The following CCDC146 variants were observed in gnomAD, a reference collection of about 807,000 sequenced individuals.
CCDC146 encodes coiled-coil domain containing 146.
CCDC146 carries 92 observed loss-of-function variants against 119.3 expected under a neutral mutation model. The observed-to-expected ratio is 0.77, with a 90% CI of 0.65 to 0.92. CCDC146 has a LOEUF of 0.92. Among genes scored for constraint, CCDC146 ranks in the 40% least tolerant of loss-of-function variants. CCDC146 has a pLI of 0.00. For synonymous variants in CCDC146, 372 were observed against 371.8 expected (o/e 1.00, Z -0.01); for missense variants, 1,000 against 1,103.0 (o/e 0.91, Z 1.32).
intron 1 of CCDC146, among the ~76,000 whole-genome samples, chr7:77,154,994 A>G (rs74602913): frequency 0.029 from 4,393 of 152,304 alleles, 96 homozygotes; most frequent in Middle Eastern, 0.048. Context: ...TCTACTTTAC[A>G]GACCTTCTGG....
At position 77,280,488 on chromosome 7, in the gene CCDC146, A is replaced by C; in HGVS notation, c.1754A>C (p.Gln585Pro). The change falls in exon 14 of 19, where the codon CAA becomes CCA. Residue 585 changes from glutamine to proline, a missense_variant. By Grantham distance (76) the Gln-to-Pro change is moderately conservative. Transcript: ENST00000285871. The part of the protein sequence containing the change: ...ANNVTIRESM[Q>P]NDVRKIVSKL... The stretch of plus-strand genomic sequence containing the variant: ...AATGTTACCATCAGAGAGAGCATGC[A>C]AAACGATGTGCGCAAAATTGTATCA... The C allele has an allele frequency of 6.2e-7, 1 of 1,614,228 alleles. No individual in the cohort carries two copies. Among genetic ancestry groups the C allele is most frequent in the Non-Finnish European group, 8.5e-7 (1 of 1,180,024 alleles).
At chr7:77,291,926 C>T (rs541602861) in intron 17 of CCDC146, among the ~76,000 whole-genome samples, 4 of 152,124 alleles carry the variant, frequency 2.6e-5, no homozygotes, top group Non-Finnish European at 5.9e-5. Flanking sequence ...CAAAGAGTAA[C>T]GTTAATTCTA....
intron 2 of CCDC146, among the ~76,000 whole-genome samples, chr7:77,224,181 A>G (rs993648875): frequency 6.6e-6 from 1 of 152,238 alleles, no homozygotes; most frequent in Non-Finnish European, 1.5e-5. Flanking sequence ...TCTGTAGGTC[A>G]GAAGTCCAAC....
At chr7:77,148,728 A>T (rs914449359) in intron 1 of CCDC146, among the ~76,000 whole-genome samples, 34 of 152,096 alleles carry the variant, frequency 2.2e-4, no homozygotes, top group African/African-American at 8.2e-4. Flanking sequence ...TCCCATTCAC[A>T]ATTGCTTCAA....
At chr7:77,128,114 G>C (rs1469445950) in intron 1 of CCDC146, among the ~76,000 whole-genome samples, 1 of 151,760 alleles carries the variant, frequency 6.6e-6, no homozygotes, top group Non-Finnish European at 1.5e-5. Context: ...AATTATTCTA[G>C]TCTGTTCTGT....
chr7:77,196,656 A>G lies in CCDC146; in HGVS notation c.156+28832A>G, dbSNP rs1290670049. ...TTAGCCACATAAAACTGATCATACAAGGCATATAGTTCGACACCATTAAAG... is the reference window on the plus strand; with the variant it reads ...TTAGCCACATAAAACTGATCATACAGGGCATATAGTTCGACACCATTAAAG... On this transcript the variant is annotated intron_variant, in intron 2 of 18. Transcript: ENST00000285871. The surrounding 1 kb of genome is among the most constrained non-coding windows in gnomAD (Gnocchi z 4.2). The G allele has an allele frequency of 6.2e-7, 1 of 1,614,038 alleles. No homozygotes were observed. The highest frequency in any genetic ancestry group is 1.3e-5 in the African/African-American group (1 of 74,946).
At chr7:77,244,869 A>G (rs1336086575) in intron 4 of CCDC146, among the ~76,000 whole-genome samples, 3 of 152,214 alleles carry the variant, frequency 2.0e-5, no homozygotes, top group Admixed American at 6.5e-5. Flanking sequence ...CTAATGAGAG[A>G]AAACTATTCA....
intron 1 of CCDC146, among the ~76,000 whole-genome samples, chr7:77,136,995 A>C (rs1790870336): frequency 6.6e-6 from 1 of 152,206 alleles, no homozygotes; most frequent in Non-Finnish European, 1.5e-5. Context: ...GCTAAAAAAG[A>C]AAAATCATGT....
intron 4 of CCDC146, among the ~76,000 whole-genome samples, chr7:77,254,056 C>G (rs1269341710): frequency 1.3e-5 from 2 of 152,096 alleles, no homozygotes; most frequent in Non-Finnish European, 2.9e-5. Context: ...GTGAAGTGAT[C>G]TTATTTACAT....
At chr7:77,216,747 G>T (rs1792308134) in intron 2 of CCDC146, among the ~76,000 whole-genome samples, 1 of 152,126 alleles carries the variant, frequency 6.6e-6, no homozygotes, top group Non-Finnish European at 1.5e-5. Context: ...GCTGGGAAAA[G>T]TTGTTCAGAA....
intron 1 of CCDC146, among the ~76,000 whole-genome samples, chr7:77,164,279 TTTTAG>T (rs1372334982): frequency 6.6e-6 from 1 of 152,180 alleles, no homozygotes; most frequent in African/African-American, 2.4e-5. Context: ...AGTGTACATA[TTTTAG>T]TTTATTCACA....
intron 1 of CCDC146, among the ~76,000 whole-genome samples, chr7:77,126,456 T>A (rs1790690667): frequency 6.6e-6 from 1 of 151,940 alleles, no homozygotes; most frequent in Non-Finnish European, 1.5e-5. Context: ...TATTAAGTGT[T>A]ACAAGAGCTC....
intron 9 of CCDC146, among the ~76,000 whole-genome samples, chr7:77,270,397 G>A (rs1584131204): frequency 6.6e-6 from 1 of 151,512 alleles, no homozygotes; most frequent in Non-Finnish European, 1.5e-5. Flanking sequence ...AATGTGAAAT[G>A]CTACACTATA....
intron 3 of CCDC146, among the ~76,000 whole-genome samples, chr7:77,238,579 G>A (rs573284190): frequency 6.6e-6 from 1 of 152,208 alleles, no homozygotes; most frequent in South Asian, 2.1e-4. Context: ...ACCACACCCA[G>A]CTAATTTTTT....
intron 5 of CCDC146, chr7:77,255,431 G>A (rs1793160023): frequency 6.6e-6 from 1 of 152,204 alleles, no homozygotes; most frequent in Non-Finnish European, 1.5e-5. Flanking sequence ...TAATCCAAAA[G>A]TGTGTTGGTG....
At chr7:77,250,213 G>C (rs1793032256) in intron 4 of CCDC146, among the ~76,000 whole-genome samples, 1 of 152,148 alleles carries the variant, frequency 6.6e-6, no homozygotes, top group Non-Finnish European at 1.5e-5. Context: ...TTTGAACAGT[G>C]TTATCGAGTA....
chr7:77,158,566 C>A (rs1272531816), intron 1 of CCDC146, among the ~76,000 whole-genome samples: 3 of 152,090 alleles, frequency 2.0e-5, no homozygotes, highest in Non-Finnish European at 1.5e-5. Flanking sequence ...GTTGCCCAGG[C>A]TGGAGTGCAG....
At chr7:77,193,545 C>T (rs551889952) in intron 2 of CCDC146, 1 of 152,234 alleles carries the variant, frequency 6.6e-6, no homozygotes, top group East Asian at 1.9e-4. Context: ...ACCTTTAAAA[C>T]CTTTTCTTGG....
intron 2 of CCDC146, among the ~76,000 whole-genome samples, chr7:77,236,019 C>T (rs372024701): frequency 1.1e-4 from 16 of 150,088 alleles, no homozygotes; most frequent in South Asian, 1.0e-3. Flanking sequence ...TGCAGTGAGC[C>T]GAGATTGCAC....
Sources: allele counts gnomAD v4.1 joint callset (sites outside exome capture counted in the v4.1 genomes callset), GRCh38; gene constraint gnomAD v4.1.1; non-coding constraint Gnocchi (gnomAD v3.1); transcripts MANE v1.5; gene names NCBI Gene and HGNC (gene_info 2026-07-23, HGNC 2026-07-21).